MAP2: variants seen among roughly 807,000 people sequenced by gnomAD.
The protein encoded by MAP2 is microtubule associated protein 2, also known as microtubule-associated protein 2.
Under a neutral mutation model 137.6 loss-of-function variants are expected in MAP2, and 14 were observed. The ratio of observed to expected loss-of-function variants is 0.10; its 90% CI spans 0.07 to 0.16. MAP2 has a LOEUF of 0.16. Among genes scored for constraint, MAP2 ranks in the 10% least tolerant of loss-of-function variants. The probability of loss-of-function intolerance (pLI) is 1.00; values close to 1 mark genes in which losing one functional copy is unlikely to be tolerated. For missense variants in MAP2, 2,088 were observed against 2,191.5 expected, an observed-to-expected ratio of 0.95 and a Z score of 0.94; for synonymous variants, 786 against 782.3, an observed-to-expected ratio of 1.00 and a Z score of -0.08.
intron 6 of MAP2, 150 bp from the exon 7 acceptor site, chr2:209,680,600 G>T: frequency 1.6e-6 from 1 of 638,462 alleles, no homozygotes; most frequent in Non-Finnish European, 2.8e-6. Context: ...TCAGGTAATG[G>T]GCCTATAAAT....
chr2:209,550,929 A>G (rs1481179669), intron 2 of MAP2, among the ~76,000 whole-genome samples: 2 of 152,122 alleles, frequency 1.3e-5, no homozygotes, highest in Non-Finnish European at 2.9e-5. Flanking sequence ...TAATATAGGT[A>G]GGTTCTCCCA....
intron 1 of MAP2, among the ~76,000 whole-genome samples, chr2:209,500,827 G>A: frequency 6.6e-6 from 1 of 151,974 alleles, no homozygotes; most frequent in Non-Finnish European, 1.5e-5. Context: ...TTGAGCCCGG[G>A]AGTTTGAGAC....
chr2:209,716,850 C>T (rs2067860966), intron 13 of MAP2, among the ~76,000 whole-genome samples: 1 of 151,998 alleles, frequency 6.6e-6, no homozygotes, highest in African/African-American at 2.4e-5. Context: ...ATGCATGGTA[C>T]TACTTGGAGC....
intron 2 of MAP2, among the ~76,000 whole-genome samples, chr2:209,560,899 A>G (rs1487350416): frequency 1.3e-5 from 2 of 152,232 alleles, no homozygotes; most frequent in African/African-American, 2.4e-5. Flanking sequence ...ACTTACCCCT[A>G]CATGACCACA....
chr2:209,656,145 A>G (rs2095130055), intron 5 of MAP2, among the ~76,000 whole-genome samples: 1 of 152,110 alleles, frequency 6.6e-6, no homozygotes, highest in African/African-American at 2.4e-5. Flanking sequence ...TAAAGATGCA[A>G]ACCCATAGTC....
chr2:209,705,275 T>C (rs949771554), intron 11 of MAP2: 6 of 186,892 alleles, frequency 3.2e-5, no homozygotes, highest in Non-Finnish European at 6.6e-5. Context: ...AATGAAGATT[T>C]TTCAATAAAA....
chr2:209,698,853 T>A lies in MAP2; in HGVS notation c.4523-1424T>A, dbSNP rs533233453. On this transcript the variant is annotated intron_variant, in intron 10 of 15. Transcript: ENST00000682079. ...TGCTTGGGCAAGCAGAATCTCTTGA[T>A]TTAGCATAAAAACTCTATAACCTAC... 2.0e-5 allele frequency among the ~76,000 whole-genome samples: 3 copies of A among 152,306 alleles called. No homozygotes were observed. In the South Asian group the frequency reaches 6.2e-4, roughly 32 times the overall value.
Position 209,694,475 on chromosome 2 carries a change from A to G in MAP2, c.2305A>G (p.Ile769Val), listed in dbSNP as rs764291024. The stretch of plus-strand genomic sequence containing the variant: ...TGTAGAAAGCAAAGAGGAAGAACAG[A>G]TAGAGAAAGTAAAAGCTACTGGAGA... ...FPVESKEEEQ[I>V]EKVKATGEES... is the part of the protein sequence containing the mutation. Residue 769 changes from isoleucine (I) to valine (V), a missense_variant, in exon 8 of 16, where the codon ATA (isoleucine) becomes GTA (valine). This residue lies in a region of MAP2 where 500 missense variants were observed against 482.9 expected (regional missense o/e 1.04). Transcript: ENST00000682079. The G allele has an allele frequency of 5.6e-6, 9 of 1,614,106 alleles. No individual in the cohort carries two copies. The Middle Eastern group carries it at 9.9e-4, about 178-fold the overall frequency.
At chr2:209,570,676 G>A (rs1310468715) in intron 2 of MAP2, among the ~76,000 whole-genome samples, 1 of 151,824 alleles carries the variant, frequency 6.6e-6, no homozygotes, top group Non-Finnish European at 1.5e-5. Context: ...TCTGAGAAAG[G>A]AAAGAGCTTT....
At chr2:209,528,036 T>A (rs1196980990) in intron 2 of MAP2, among the ~76,000 whole-genome samples, 1 of 152,186 alleles carries the variant, frequency 6.6e-6, no homozygotes, top group Non-Finnish European at 1.5e-5. Context: ...ATTTATTAAA[T>A]TATGGGCATG....
intron 2 of MAP2, among the ~76,000 whole-genome samples, chr2:209,531,287 G>T (rs1182851756): frequency 6.6e-6 from 1 of 152,136 alleles, no homozygotes; most frequent in African/African-American, 2.4e-5. Context: ...TTGTGGGCTT[G>T]TTTTGTCTGT....
intron 3 of MAP2, among the ~76,000 whole-genome samples, chr2:209,620,764 A>C (rs954601217): frequency 1.3e-5 from 2 of 152,210 alleles, no homozygotes; most frequent in African/African-American, 4.8e-5. Flanking sequence ...GGACAAGTGC[A>C]CTAAATTACA....
At position 209,557,046 on chromosome 2, in the gene MAP2, C is replaced by G. The variant is rs896937408; in HGVS notation, c.-171-22990C>G. On this transcript the variant is annotated intron_variant, in intron 2 of 15. Transcript: ENST00000682079. ...AATATATTTTGAATATCTATGTTAA[C>G]AGAAGATACTGTCCTTTCTTTTGAA... 2.6e-5 allele frequency among the ~76,000 whole-genome samples: 4 copies of G among 152,154 alleles called. No individual in the cohort carries two copies. In the East Asian group the frequency reaches 7.7e-4, roughly 29 times the overall value.
intron 1 of MAP2, among the ~76,000 whole-genome samples, chr2:209,501,113 AT>A (rs1051275637): frequency 1.3e-5 from 2 of 151,298 alleles, no homozygotes; most frequent in Non-Finnish European, 1.5e-5. Flanking sequence ...AAACATTTCC[AT>A]TTTTTTAAAT....
chr2:209,674,564 TC>T (rs541161149), intron 5 of MAP2, among the ~76,000 whole-genome samples: 31 of 151,864 alleles, frequency 2.0e-4, no homozygotes, highest in African/African-American at 7.2e-4. Context: ...TCTGTGAGAT[TC>T]CCTCTGATGT....
intron 4 of MAP2, among the ~76,000 whole-genome samples, chr2:209,640,774 C>T (rs535286282): frequency 2.0e-5 from 3 of 152,136 alleles, no homozygotes; most frequent in African/African-American, 4.8e-5. Context: ...CTTTATTCTT[C>T]CTCTGTCTTA....
intron 12 of MAP2, among the ~76,000 whole-genome samples, chr2:209,709,352 A>G (rs1010867093): frequency 2.0e-4 from 30 of 152,302 alleles, no homozygotes; most frequent in African/African-American, 7.2e-4. Flanking sequence ...GACAGCTTCC[A>G]TAAACACATT....
Position 209,625,076 on chromosome 2 carries a change from A to G in MAP2, c.-83A>G, listed in dbSNP as rs889659953. ...AGAAAGAAGCCAGAAAATATTATCA[A>G]CCCTTTGAGAACACGACACAACGAA... On this transcript the variant is annotated 5_prime_UTR_variant, in exon 4 of 16. Coordinates refer to ENST00000682079, the MANE Select transcript of MAP2 (RefSeq NM_001375505.1). 3 of 152,170 alleles carry G rather than the reference A, an allele frequency of 2.0e-5. No individual in the cohort carries two copies. Among genetic ancestry groups the G allele is most frequent in the East Asian group, 1.9e-4 (1 of 5,192 alleles). The allele number at this position is 152,170 out of a possible 1,614,324, so 9.4% of individuals were successfully genotyped here. A position where few individuals can be genotyped will look rare whatever the true frequency, so the allele number is the denominator to read the frequency against.
chr2:209,694,151 A>G lies in MAP2; in HGVS notation c.1981A>G (p.Thr661Ala). The change falls in exon 8 of 16, where the codon ACT becomes GCT. Residue 661 changes from threonine to alanine, a missense_variant. This residue lies in a region of MAP2 where 859 missense variants were observed against 794.5 expected (regional missense o/e 1.08). Transcript: ENST00000682079. ...CAGTTCTCCTCAAGAAAGAATGTTC[A>G]CTATTGATCCAAAAGTGTATGGAGA... is the stretch of plus-strand genomic sequence containing the variant. The part of the protein sequence containing the change: ...EPSSPQERMF[T>A]IDPKVYGEKR... The G allele has an allele frequency of 1.2e-6, 2 of 1,614,144 alleles. No homozygotes were observed. The highest frequency in any genetic ancestry group is 8.5e-7 in the Non-Finnish European group (1 of 1,180,008).
Sources: allele counts gnomAD v4.1 joint callset (sites outside exome capture counted in the v4.1 genomes callset), GRCh38; gene constraint gnomAD v4.1.1; regional missense constraint gnomAD v4.1.1; transcripts MANE v1.5; gene names NCBI Gene and HGNC (gene_info 2026-07-23, HGNC 2026-07-21).